CA5B: variants seen among roughly 807,000 people sequenced by gnomAD.
CA5B encodes the protein carbonic anhydrase 5B, mitochondrial.
Under a neutral mutation model 23.1 loss-of-function variants are expected in CA5B, and 15 were observed. That is an observed-to-expected ratio of 0.65 (90% confidence interval 0.43 to 1.00). CA5B has a LOEUF of 1.00. CA5B is among the 50% of genes least tolerant of loss of function. The pLI is 0.00. For missense variants in CA5B, 236 were observed against 252.2 expected (o/e 0.94, Z 0.43); for synonymous variants, 84 against 98.5 (o/e 0.85, Z 0.87).
At chrX:15,754,963 T>C (rs758481508) in intron 2 of CA5B, among the ~76,000 whole-genome samples, 7 of 112,403 alleles carry the variant, frequency 6.2e-5, no homozygotes, top group Non-Finnish European at 1.3e-4. Flanking sequence ...CTTAATATAC[T>C]GGACATTTCT....
Position 15,782,947 on chromosome X carries a change from T to C in CA5B, c.*283T>C, listed in dbSNP as rs1932051309. 1 of 234,609 alleles carries C rather than the reference T, an allele frequency of 4.3e-6. No individual in the cohort carries two copies. The allele number at this position is 234,609 out of a possible 1,213,427, so 19.3% of individuals were successfully genotyped here. A position where few individuals can be genotyped will look rare whatever the true frequency, so the allele number is the denominator to read the frequency against. ...AGGCTAGAGTGCAGTGGCCAAATGA[T>C]AGCTCACTGCAGCCTTGAACTCCTA... On this transcript the variant is annotated 3_prime_UTR_variant, in exon 8 of 8. Transcript: ENST00000318636.
intron 3 of CA5B, chrX:15,766,917 GC>G (rs1254901952): frequency 3.0e-6 from 1 of 331,593 alleles, no homozygotes; most frequent in Admixed American, 3.1e-5. Context: ...TCTAGAGTGT[GC>G]CCCCTTCTCA....
At chrX:15,774,280 C>A (rs776479663) in intron 4 of CA5B, 22 bp from the exon 5 acceptor site, 25 of 1,195,427 alleles carry the variant, frequency 2.1e-5, no homozygotes, top group Non-Finnish European at 1.1e-6. Context: ...CACGTGTTAA[C>A]CCTCTTTTCA....
At position 15,786,816 on chromosome X, in the gene CA5B, C is replaced by G. The variant is rs1356844022; in HGVS notation, c.*4152C>G. On this transcript the variant is annotated 3_prime_UTR_variant, in exon 8 of 8. Coordinates refer to ENST00000318636, the MANE Select transcript of CA5B (RefSeq NM_007220.4). ...GTGCACCTTTTTCTGTTGCACAGTACAGTGCACAGTGTGCTGGCATCACCA... is the reference window on the plus strand; with the variant it reads ...GTGCACCTTTTTCTGTTGCACAGTAGAGTGCACAGTGTGCTGGCATCACCA... The G allele has an allele frequency of 8.9e-6, 1 of 111,845 alleles. No homozygotes were observed. The highest frequency in any genetic ancestry group is 2.8e-4 in the East Asian group (1 of 3,574). The allele number at this position is 111,845 out of a possible 1,213,427, so 9.2% of individuals were successfully genotyped here.
intron 1 of CA5B, among the ~76,000 whole-genome samples, chrX:15,749,134 G>A (rs1931303537): frequency 9.0e-6 from 1 of 111,543 alleles, no homozygotes; most frequent in Non-Finnish European, 1.9e-5. Context: ...TGGAATGAAT[G>A]TGTAACCAAG....
At chrX:15,745,183 A>AAAAAAAAAAAAAG (rs1555992328) in intron 1 of CA5B, among the ~76,000 whole-genome samples, 2 of 86,778 alleles carry the variant, frequency 2.3e-5, no homozygotes, top group Non-Finnish European at 2.3e-5. Flanking sequence ...AAAAAAAAAA[A>AAAAAAAAAAAAAG]AAAAGAAAAG....
chrX:15,748,747 AAAT>A (rs1471386438), intron 1 of CA5B, among the ~76,000 whole-genome samples: 1 of 99,164 alleles, frequency 1.0e-5, no homozygotes, highest in Non-Finnish European at 2.0e-5. Flanking sequence ...TCTCTAAAAA[AAAT>A]AAAGTTAGCC....
rs762043494 is a variant in CA5B at position 15,744,060 on chromosome X, A to G, written c.-54+5708A>G. On this transcript the variant is annotated intron_variant, in intron 1 of 7. Coordinates refer to ENST00000318636, the MANE Select transcript of CA5B (RefSeq NM_007220.4). ...AGAGGGTGAAGGTGAGGATGAAGTC[A>G]GGCCCTCTGGAGCCCTCCTGCCCCC... Among the ~76,000 whole-genome samples, 348 of 112,185 alleles carry G rather than the reference A, an allele frequency of 3.1e-3. 2 individuals are homozygous for G. The highest frequency in any genetic ancestry group is 4.7e-3 in the Non-Finnish European group (248 of 53,194).
intron 2 of CA5B, among the ~76,000 whole-genome samples, chrX:15,752,812 G>C (rs1931402749): frequency 9.0e-6 from 1 of 110,929 alleles, no homozygotes; most frequent in African/African-American, 3.3e-5. Flanking sequence ...GATCTGAATA[G>C]GAAATATTTC....
At chrX:15,752,724 CAA>C (rs35355387) in intron 2 of CA5B, among the ~76,000 whole-genome samples, 14 of 93,218 alleles carry the variant, frequency 1.5e-4, no homozygotes, top group Non-Finnish European at 1.3e-4. Context: ...GACTCTGTCT[CAA>C]AAAAAAAAAA....
At chrX:15,753,553 T>C (rs1488950594) in intron 2 of CA5B, among the ~76,000 whole-genome samples, 1 of 112,435 alleles carries the variant, frequency 8.9e-6, no homozygotes, top group African/African-American at 3.2e-5. Flanking sequence ...CTCTACAGAA[T>C]GGACATTTCT....
Position 15,776,861 on chromosome X carries a change from C to T in CA5B, c.766C>T (p.His256Tyr). The change falls in exon 7 of 8, where the codon CAT becomes TAT. Residue 256 changes from histidine to tyrosine, a missense_variant. Physicochemically the swap from His to Tyr is moderately conservative, Grantham distance 83. Around this residue, in one of 3 missense-constraint regions of CA5B, gnomAD observed 170 missense variants for 162.0 expected, o/e 1.05. Coordinates refer to ENST00000318636, the MANE Select transcript of CA5B (RefSeq NM_007220.4). ...IIKKQPVEVDHDQLEQFRTLL... is the reference protein window; with the variant it reads ...IIKKQPVEVDYDQLEQFRTLL... The stretch of plus-strand genomic sequence containing the variant: ...TAAGAAGCAACCAGTAGAGGTTGAT[C>T]ATGATCAGGTATGTTCTCTCCATAA... The T allele has an allele frequency of 1.7e-6, 2 of 1,206,067 alleles. No individual in the cohort carries two copies. Among genetic ancestry groups the T allele is most frequent in the Non-Finnish European group, 2.2e-6 (2 of 890,696 alleles).
rs1932135398 is a variant in CA5B at position 15,787,344 on chromosome X, C to T, written c.*4680C>T. The stretch of plus-strand genomic sequence containing the variant: ...TGCATTCTACAGTTATTCTTAAGAA[C>T]TACAAGCAAGGAAGAAGGGAGAACT... On this transcript the variant is annotated 3_prime_UTR_variant, in exon 8 of 8. Transcript: ENST00000318636. The T allele has an allele frequency of 8.9e-6, 1 of 112,016 alleles. No individual in the cohort carries two copies. The highest frequency in any genetic ancestry group is 9.5e-5 in the Admixed American group (1 of 10,537). 9.2% of individuals were successfully genotyped at this position (112,016 alleles called of 1,213,427 possible). A position where few individuals can be genotyped will look rare whatever the true frequency, so the allele number is the denominator to read the frequency against.
chrX:15,770,997 T>G (rs1410303476), intron 3 of CA5B, among the ~76,000 whole-genome samples: 34 of 106,886 alleles, frequency 3.2e-4, no homozygotes, highest in Admixed American at 3.1e-3. Flanking sequence ...CTTGATCTCC[T>G]GACCTCATGA....
At chrX:15,778,259 C>T (rs759941233) in intron 7 of CA5B, among the ~76,000 whole-genome samples, 2 of 111,913 alleles carry the variant, frequency 1.8e-5, no homozygotes, top group African/African-American at 6.5e-5. Context: ...CATAAAAACA[C>T]CTTTTTTTGT....
chrX:15,747,818 G>A (rs750034498), intron 1 of CA5B, among the ~76,000 whole-genome samples: 27 of 111,252 alleles, frequency 2.4e-4, no homozygotes, highest in Non-Finnish European at 3.8e-5. Context: ...CCCTGGGTTC[G>A]GTGTCTCACA....
chrX:15,744,407 C>T (rs772805146), intron 1 of CA5B, among the ~76,000 whole-genome samples: 16 of 112,842 alleles, frequency 1.4e-4, no homozygotes, highest in Non-Finnish European at 3.0e-4. Flanking sequence ...TCTGTTTGTA[C>T]AGCTCTCCTG....
chrX:15,769,811 T>G (rs1421370899), intron 3 of CA5B, among the ~76,000 whole-genome samples: 3 of 111,847 alleles, frequency 2.7e-5, no homozygotes, highest in Non-Finnish European at 3.8e-5. Flanking sequence ...ATTTCCTGCA[T>G]TTGCTTTTAT....
chrX:15,782,326 C>T (rs1029200031), intron 7 of CA5B, among the ~76,000 whole-genome samples, 159 bp from the exon 8 acceptor site: 2 of 112,724 alleles, frequency 1.8e-5, no homozygotes, highest in Admixed American at 9.4e-5. Flanking sequence ...GCATTTTATT[C>T]CCTGTCAAGT....
Sources: allele counts gnomAD v4.1 joint callset (sites outside exome capture counted in the v4.1 genomes callset), GRCh38; gene constraint gnomAD v4.1.1; regional missense constraint gnomAD v4.1.1; transcripts MANE v1.5; gene names NCBI Gene and HGNC (gene_info 2026-07-23, HGNC 2026-07-21).